ESYT3: variants seen among roughly 807,000 people sequenced by gnomAD.
ESYT3 encodes extended synaptotagmin-3.
A neutral mutation model predicts 111.5 loss-of-function variants in ESYT3; 101 were observed. The observed-to-expected ratio is 0.91, with a 90% CI of 0.77 to 1.07. ESYT3 has a LOEUF of 1.07. Ranked by LOEUF, ESYT3 falls within the 50% of genes least tolerant of loss-of-function variation. ESYT3 has a pLI of 0.00. For synonymous variants in ESYT3, 416 were observed against 446.8 expected, an observed-to-expected ratio of 0.93 and a Z score of 0.87; for missense variants, 1,097 against 1,109.4, an observed-to-expected ratio of 0.99 and a Z score of 0.16.
chr3:138,456,590 G>A (rs779289286), intron 3 of ESYT3, among the ~76,000 whole-genome samples: 1 of 152,156 alleles, frequency 6.6e-6, no homozygotes, highest in Non-Finnish European at 1.5e-5. Context: ...GGGAGCTGCC[G>A]GAGCTCCGCC....
rs2030522857 is a variant in ESYT3 at position 138,434,949 on chromosome 3, C to T, written c.151C>T (p.Leu51=). 1.3e-6 allele frequency: 2 copies of T among 1,553,220 alleles called. No individual in the cohort carries two copies. The highest frequency in any genetic ancestry group is 1.7e-6 in the Non-Finnish European group (2 of 1,147,754). The change falls in exon 1 of 23, where the codon CTA becomes TTA. Residue 51 remains leucine (L), a synonymous_variant. Coordinates refer to ENST00000389567, the MANE Select transcript of ESYT3 (RefSeq NM_031913.5). ...RVLFYLGPVY[L]AGYLGLSITW... Reference sequence around the variant, plus strand: ...GCTGTTCTACCTGGGGCCTGTCTACCTAGCTGGCTACCTGGGGCTCAGCAT... The same window carrying T: ...GCTGTTCTACCTGGGGCCTGTCTACTTAGCTGGCTACCTGGGGCTCAGCAT...
chr3:138,470,932 A>T lies in ESYT3; in HGVS notation c.1646A>T (p.Gln549Leu), dbSNP rs1043259806. The change falls in exon 17 of 23, where the codon CAG (glutamine) becomes CTG (leucine). Residue 549 changes from glutamine (Q) to leucine (L), a missense_variant. Physicochemically the swap from Gln to Leu is moderately radical, Grantham distance 113. Transcript: ENST00000389567. ...GGAATGCTGGAGGTCCCCCTGTGCC[A>T]GATCCTCCCCTATGCTGACCTCACT... ...ALGMLEVPLC[Q>L]ILPYADLTLE... 1.9e-6 allele frequency: 3 copies of T among 1,614,046 alleles called. No homozygotes were observed. The highest frequency in any genetic ancestry group is 2.7e-5 in the African/African-American group (2 of 74,916).
At chr3:138,473,784 T>A (rs913370463) in intron 19 of ESYT3, 150 bp downstream of exon 19, 8 of 707,406 alleles carry the variant, frequency 1.1e-5, no homozygotes, top group Non-Finnish European at 1.6e-5. Context: ...CTGAACACTG[T>A]AATCAAGTCC....
chr3:138,448,484 T>TA (rs2031708233), intron 1 of ESYT3, among the ~76,000 whole-genome samples: 1 of 151,718 alleles, frequency 6.6e-6, no homozygotes, highest in East Asian at 1.9e-4. Context: ...ATTTTTTTTT[T>TA]ATGTGTTGGT....
chr3:138,437,545 A>AGTGTGTAGGGGTTGATGTGT (rs2030810304), intron 1 of ESYT3, among the ~76,000 whole-genome samples: 1 of 152,112 alleles, frequency 6.6e-6, no homozygotes, highest in Admixed American at 6.5e-5. Context: ...GCCTGGCTGA[A>AGTGTGTAGGGGTTGATGTGT]GTGTGTGGTA....
chr3:138,470,038 TC>T, intron 15 of ESYT3, 21 bp from the exon 16 acceptor site: 1 of 1,603,798 alleles, frequency 6.2e-7, no homozygotes, highest in Non-Finnish European at 8.5e-7. Flanking sequence ...CCTTCAATGA[TC>T]TCTCCCTCTT....
At position 138,434,682 on chromosome 3, in the gene ESYT3, G is replaced by T. The variant is rs1044341803; in HGVS notation, c.-117G>T. 5 of 956,478 alleles carry T rather than the reference G, an allele frequency of 5.2e-6. No homozygotes were observed. The highest frequency in any genetic ancestry group is 7.5e-6 in the Non-Finnish European group (5 of 668,986). The allele number at this position is 956,478 out of a possible 1,614,324, so 59.2% of individuals were successfully genotyped here. A position where few individuals can be genotyped will look rare whatever the true frequency, so the allele number is the denominator to read the frequency against. ...TCGGCGCGCCGAGAGTCCCAGCAGG[G>T]CAAGGGGGCGCGGCGTCCTGGTCCT... On this transcript the variant is annotated 5_prime_UTR_variant, in exon 1 of 23. Transcript: ENST00000389567.
In ESYT3 at chr3:138,472,513, C is replaced by A. The variant is rs2033274366; in HGVS notation, c.1891C>A (p.Pro631Thr). The A allele has an allele frequency of 3.1e-6, 5 of 1,614,112 alleles. No individual in the cohort carries two copies. The South Asian group carries it at 5.5e-5, about 18-fold the overall frequency. ...EEGPTDLPCP[P>T]DPASDTKDVS... ...AGGCCCTACAGATTTGCCATGTCCCCCAGACCCTGCTTCTGATACTAAGGA... is the reference window on the plus strand; with the variant it reads ...AGGCCCTACAGATTTGCCATGTCCCACAGACCCTGCTTCTGATACTAAGGA... Residue 631 changes from proline to threonine, a missense_variant, in exon 18 of 23, where the codon CCA becomes ACA. Coordinates refer to ENST00000389567, the MANE Select transcript of ESYT3 (RefSeq NM_031913.5).
chr3:138,457,784 C>A, intron 4 of ESYT3, 140 bp downstream of exon 4: 1 of 792,250 alleles, frequency 1.3e-6, no homozygotes, highest in Non-Finnish European at 2.1e-6. Flanking sequence ...CTCCCAGCTT[C>A]TCCCATCCCC....
At chr3:138,467,640 G>A (rs1452334773) in intron 11 of ESYT3, 31 bp downstream of exon 11, 17 of 1,610,996 alleles carry the variant, frequency 1.1e-5, no homozygotes, top group East Asian at 6.7e-5. Context: ...CCTCGGGGGA[G>A]TTTCAAGGTA....
chr3:138,467,011 C>A (rs749897691), intron 10 of ESYT3, among the ~76,000 whole-genome samples: 2 of 152,148 alleles, frequency 1.3e-5, no homozygotes, highest in Non-Finnish European at 2.9e-5. Context: ...CCCCGCCCAC[C>A]TTTAACGTAT....
intron 1 of ESYT3, among the ~76,000 whole-genome samples, chr3:138,441,744 CTCT>C (rs36064509): frequency 0.034 from 5,173 of 152,292 alleles, 120 homozygotes; most frequent in African/African-American, 0.063. Flanking sequence ...CCTTTTCCTC[CTCT>C]TCTTCCTCGA....
rs931755255 is a variant in ESYT3, at chr3:138,464,351, A to T, written c.922A>T (p.Ile308Phe). The stretch of plus-strand genomic sequence containing the variant: ...GGGCTTGGACATTTTCCAGGGGGTG[A>T]TCAGAGTGCACTTGCTGGAGGCAGA... ...NLRFPLPCGVIRVHLLEAEQL... is the reference protein window; with the variant it reads ...NLRFPLPCGVFRVHLLEAEQL... Residue 308 changes from isoleucine (I) to phenylalanine (F), a missense_variant, in exon 9 of 23, where the codon ATC becomes TTC. By Grantham distance (21) the Ile-to-Phe change is conservative. Transcript: ENST00000389567. The T allele has an allele frequency of 3.1e-6, 5 of 1,613,992 alleles. No individual in the cohort carries two copies. Among genetic ancestry groups the T allele is most frequent in the Non-Finnish European group, 4.2e-6 (5 of 1,179,940 alleles).
chr3:138,468,486 A>G (rs139173121), intron 12 of ESYT3, among the ~76,000 whole-genome samples, 169 bp from the exon 13 acceptor site: 1 of 152,150 alleles, frequency 6.6e-6, no homozygotes, highest in Non-Finnish European at 1.5e-5. Flanking sequence ...GTCATGCACC[A>G]GTTATAGTCT....
At chr3:138,464,855 C>A (rs2032843860) in intron 9 of ESYT3, among the ~76,000 whole-genome samples, 1 of 152,222 alleles carries the variant, frequency 6.6e-6, no homozygotes, top group Non-Finnish European at 1.5e-5. Context: ...ACCACAATCC[C>A]TACTATTTGA....
At position 138,469,465 on chromosome 3, in the gene ESYT3, T is replaced by C. The variant is rs750830505; in HGVS notation, c.1464T>C (p.Tyr488=). The C allele has an allele frequency of 6.2e-6, 10 of 1,613,952 alleles. No homozygotes were observed. The African/African-American group carries it at 6.7e-5, about 11-fold the overall frequency. The change falls in exon 15 of 23, where the codon TAT becomes TAC. Residue 488 remains tyrosine (Y), a synonymous_variant. Transcript: ENST00000389567. ...RNKVSKDPSS[Y]VKLSVGKKTH... The stretch of plus-strand genomic sequence containing the variant: ...AGGTCAGCAAAGACCCTTCTTCCTA[T>C]GTCAAACTATCTGTAGGCAAGAAGA...
At chr3:138,474,147 A>G (rs987532908) in intron 19 of ESYT3, 74 bp from the exon 20 acceptor site, 7 of 1,564,042 alleles carry the variant, frequency 4.5e-6, no homozygotes, top group Non-Finnish European at 6.0e-6. Flanking sequence ...TCAAACACTG[A>G]AACTCTCAAA....
intron 12 of ESYT3, 60 bp downstream of exon 12, chr3:138,468,254 G>A: frequency 4.6e-6 from 7 of 1,505,468 alleles, no homozygotes; most frequent in Non-Finnish European, 6.5e-6. Flanking sequence ...CGTGCCAGGT[G>A]TGTGCAGGTG....
Position 138,435,993 on chromosome 3 carries a change from C to G in ESYT3, c.327+868C>G, listed in dbSNP as rs1408766390. On this transcript the variant is annotated intron_variant, in intron 1 of 22. Coordinates refer to ENST00000389567, the MANE Select transcript of ESYT3 (RefSeq NM_031913.5). The surrounding 1 kb of genome is among the most constrained non-coding windows in gnomAD (Gnocchi z 4.8). Reference sequence around the variant, plus strand: ...CGTTTTCAGATTTCTTCCAGTTACTCTCAGGCCCACGGGGGAGGTCGCCAG... The same window carrying G: ...CGTTTTCAGATTTCTTCCAGTTACTGTCAGGCCCACGGGGGAGGTCGCCAG... 9.9e-5 allele frequency among the ~76,000 whole-genome samples: 15 copies of G among 152,180 alleles called. No individual in the cohort carries two copies. Among genetic ancestry groups the G allele is most frequent in the Admixed American group, 9.8e-4 (15 of 15,272 alleles).
Sources: allele counts gnomAD v4.1 joint callset (sites outside exome capture counted in the v4.1 genomes callset), GRCh38; gene constraint gnomAD v4.1.1; non-coding constraint Gnocchi (gnomAD v3.1); transcripts MANE v1.5; gene names NCBI Gene and HGNC (gene_info 2026-07-23, HGNC 2026-07-21).